The following AKNA variants were observed in gnomAD, a reference collection of about 807,000 sequenced individuals.
AKNA encodes the protein microtubule organization protein AKNA.
In AKNA, 67 loss-of-function variants were observed where a neutral mutation model predicts 138.8. The ratio of observed to expected loss-of-function variants is 0.48; its 90% CI spans 0.40 to 0.59. AKNA has a LOEUF of 0.59. AKNA is among the 20% of genes least tolerant of loss of function. The probability of loss-of-function intolerance (pLI) is 0.00; values close to 1 mark genes in which losing one functional copy is unlikely to be tolerated. For missense variants in AKNA, 1,813 were observed against 1,880.4 expected (o/e 0.96, Z 0.66); for synonymous variants, 737 against 754.4 (o/e 0.98, Z 0.38).
At chr9:114,354,852 G>A (rs937895414) in intron 14 of AKNA, among the ~76,000 whole-genome samples, 2 of 150,396 alleles carry the variant, frequency 1.3e-5, no homozygotes, top group Non-Finnish European at 2.9e-5. Context: ...GTACATAATC[G>A]TAGGTGCTAT....
chr9:114,350,798 C>T (rs1225484236), intron 15 of AKNA, 61 bp downstream of exon 15: 31 of 1,489,168 alleles, frequency 2.1e-5, no homozygotes, highest in Non-Finnish European at 2.6e-5. Flanking sequence ...GCTAACACGT[C>T]GCATCACGCT....
At chr9:114,392,104 C>CA (rs61619495), upstream of AKNA, among the ~76,000 whole-genome samples, 1,353 of 86,484 alleles carry the variant, frequency 0.016, 34 homozygotes, top group African/African-American at 0.05. Context: ...AGACGCTTGT[C>CA]AAAAAAAAAA....
At chr9:114,381,810 G>A (rs1364037176) in intron 1 of AKNA, among the ~76,000 whole-genome samples, 6 of 151,848 alleles carry the variant, frequency 4.0e-5, no homozygotes, top group East Asian at 1.9e-4. Context: ...ACAGGTGCAC[G>A]CCACCACACC....
chr9:114,358,187 C>G lies in AKNA; in HGVS notation c.2493-20G>C, dbSNP rs758249740. ...GCCTCCCTGGCATGGGAAGAGAAGA[C>G]CATCCTTGAGTTCTGCCAGGCAGCC... is the stretch of plus-strand genomic sequence containing the variant. On this transcript the variant is annotated intron_variant, in intron 11 of 21. Transcript: ENST00000374088. 6.2e-7 allele frequency: 1 copy of G among 1,613,404 alleles called. No homozygotes were observed. Among genetic ancestry groups the G allele is most frequent in the Non-Finnish European group, 8.5e-7 (1 of 1,179,794 alleles).
At position 114,339,768 on chromosome 9, in the gene AKNA, G is replaced by A. The variant is rs557209042; in HGVS notation, c.4067+1765C>T. ...CTGCTGGAGTGGAAGATTCCTTAGCGACTTGCTTAGACTCAGCTGAGAGGG... is the reference window on the plus strand; with the variant it reads ...CTGCTGGAGTGGAAGATTCCTTAGCAACTTGCTTAGACTCAGCTGAGAGGG... On this transcript the variant is annotated intron_variant, in intron 21 of 21. Coordinates refer to ENST00000374088, the MANE Select transcript of AKNA (RefSeq NM_001317950.2). Among the ~76,000 whole-genome samples, 228 of 152,276 alleles carry A rather than the reference G, an allele frequency of 1.5e-3. 1 individual carries two copies. The highest frequency in any genetic ancestry group is 0.01 in the Middle Eastern group (3 of 294).
intron 1 of AKNA, among the ~76,000 whole-genome samples, chr9:114,393,602 G>GT (rs1834433463): frequency 6.6e-6 from 1 of 151,972 alleles, no homozygotes; most frequent in South Asian, 2.1e-4. Flanking sequence ...GCAGTGTCCC[G>GT]TAACAGGTGA....
chr9:114,374,262 G>A, intron 3 of AKNA, 95 bp from the exon 4 acceptor site: 2 of 1,213,316 alleles, frequency 1.6e-6, no homozygotes, highest in Non-Finnish European at 2.4e-6. Flanking sequence ...TTCCATAAGG[G>A]CTTCTGGGTT....
At chr9:114,337,412 T>G in intron 21 of AKNA, 106 bp from the exon 22 acceptor site, 3 of 1,186,284 alleles carry the variant, frequency 2.5e-6, no homozygotes, top group Non-Finnish European at 2.2e-6. Flanking sequence ...GCTGGGCCAG[T>G]GGCTCCTACT....
At chr9:114,390,388 C>G (rs538676935), upstream of AKNA, among the ~76,000 whole-genome samples, 6 of 152,202 alleles carry the variant, frequency 3.9e-5, no homozygotes, top group East Asian at 1.2e-3. Flanking sequence ...CCATCTTTCA[C>G]CCAGGTACAC....
rs57051248 is a variant in AKNA, at chr9:114,335,502, T to C, written c.*1552A>G. ...GAAAGTACTGGAAGGCTGGGCGCCA[T>C]GGCTCACGCCTGTAATCCCAGCAAT... On this transcript the variant is annotated 3_prime_UTR_variant, in exon 22 of 22. Transcript: ENST00000374088. 5,317 of 152,352 alleles carry C rather than the reference T, an allele frequency of 0.035. 173 individuals carry two copies. Among genetic ancestry groups the C allele is most frequent in the Admixed American group, 0.095 (1,448 of 15,296 alleles). The allele number at this position is 152,352 out of a possible 1,614,324, so 9.4% of individuals were successfully genotyped here. A position where few individuals can be genotyped will look rare whatever the true frequency, so the allele number is the denominator to read the frequency against.
intron 14 of AKNA, 80 bp downstream of exon 14, chr9:114,355,845 T>C: frequency 1.4e-6 from 2 of 1,421,010 alleles, no homozygotes; most frequent in Non-Finnish European, 9.6e-7. Flanking sequence ...TAATATGTCA[T>C]ATCCTAAAGG....
At chr9:114,341,352 A>G (rs567931677) in intron 21 of AKNA, among the ~76,000 whole-genome samples, 181 bp downstream of exon 21, 2 of 152,306 alleles carry the variant, frequency 1.3e-5, no homozygotes, top group East Asian at 3.9e-4. Flanking sequence ...TTGAGTGCCT[A>G]TATGAGTGTT....
chr9:114,371,428 T>G (rs11790559), intron 4 of AKNA, among the ~76,000 whole-genome samples: 1 of 152,242 alleles, frequency 6.6e-6, no homozygotes, highest in Non-Finnish European at 1.5e-5. Context: ...CTTATTACTA[T>G]AACAGTCATC....
At chr9:114,346,639 G>A in intron 17 of AKNA, 30 bp downstream of exon 17, 2 of 1,558,652 alleles carry the variant, frequency 1.3e-6, no homozygotes. Context: ...TGTGGCCTCT[G>A]GAAATCAGCC....
chr9:114,395,349 T>G (rs887327910), upstream of AKNA, among the ~76,000 whole-genome samples: 3 of 152,032 alleles, frequency 2.0e-5, no homozygotes, highest in Non-Finnish European at 4.4e-5. Flanking sequence ...CTCTTCCCTA[T>G]CACCCACCCT....
At chr9:114,371,597 A>C (rs1022520064) in intron 4 of AKNA, among the ~76,000 whole-genome samples, 2 of 152,182 alleles carry the variant, frequency 1.3e-5, no homozygotes, top group Admixed American at 1.3e-4. Context: ...ATGTTGAGCA[A>C]ACCATTCCAC....
Position 114,356,062 on chromosome 9 carries a change from C to A in AKNA, c.2921G>T (p.Gly974Val). ...TGTGGCTCTTCTGGGAATCAGAGAA[C>A]CCCTGGCCTTGGGGTAGGAAGCTCC... ...RDGASYPKAR[G>V]SLIPRRATEP... The change falls in exon 14 of 22, where the codon GGT (glycine) becomes GTT (valine). Residue 974 changes from glycine (G) to valine (V), a missense_variant. Coordinates refer to ENST00000374088, the MANE Select transcript of AKNA (RefSeq NM_001317950.2). The A allele has an allele frequency of 6.2e-7, 1 of 1,614,120 alleles. No individual in the cohort carries two copies.
At chr9:114,360,157 G>A (rs762026371) in intron 9 of AKNA, 95 bp from the exon 10 acceptor site, 70 of 1,495,356 alleles carry the variant, frequency 4.7e-5, no homozygotes, top group South Asian at 1.9e-4. Context: ...TGTGGGCTGC[G>A]GGGTAAGAAG....
upstream of AKNA, among the ~76,000 whole-genome samples, chr9:114,391,437 C>G (rs139298624): frequency 4.6e-5 from 7 of 152,278 alleles, no homozygotes; most frequent in African/African-American, 1.7e-4. Context: ...AAGAACAGAA[C>G]GTTTAAGTGG....
Sources: gnomAD v4.1 joint callset for allele counts (sites outside exome capture counted in the v4.1 genomes callset) on GRCh38, gnomAD v4.1.1 for gene constraint, MANE v1.5 for transcripts, NCBI Gene and HGNC (gene_info 2026-07-23, HGNC 2026-07-21) for gene names.